The following ALG9 variants were observed in gnomAD, a reference collection of about 807,000 sequenced individuals.
The protein encoded by ALG9 is alpha-1,2-mannosyltransferase ALG9.
ALG9 carries 55 observed loss-of-function variants against 81.8 expected under a neutral mutation model. The ratio of observed to expected loss-of-function variants is 0.67; its 90% confidence interval spans 0.54 to 0.84. The LOEUF is 0.84. Ranked by LOEUF, ALG9 falls within the 40% of genes least tolerant of loss-of-function variation. The pLI, the probability that ALG9 is intolerant of heterozygous loss-of-function variation, is 0.00. For missense variants in ALG9, 629 were observed against 745.0 expected, an observed-to-expected ratio of 0.84 and a Z score of 1.81; for synonymous variants, 278 against 274.3, an observed-to-expected ratio of 1.01 and a Z score of -0.13.
At position 111,865,213 on chromosome 11, in the gene ALG9, A is replaced by G; in HGVS notation, c.444T>C (p.Phe148=). 1 of 1,551,082 alleles carries G rather than the reference A, an allele frequency of 6.4e-7. No homozygotes were observed. The highest frequency in any genetic ancestry group is 8.7e-7 in the Non-Finnish European group (1 of 1,147,440). ...VFYFLRCLLA[F]VSCICELYFY... is the part of the protein sequence containing the mutation. ...AGTAAAGTTCACAAATACAGCTCAC[A>G]AAAGCCAGAAGACATCGCAAAAAGT... The change falls in exon 4 of 15, where the codon TTT becomes TTC. Residue 148 remains phenylalanine, a synonymous_variant. Coordinates refer to ENST00000616540, the MANE Select transcript of ALG9 (RefSeq NM_024740.2).
At position 111,868,604 on chromosome 11, in the gene ALG9, T is replaced by C. The variant is rs782448344; in HGVS notation, c.403A>G (p.Lys135Glu). Residue 135 changes from lysine (K) to glutamate (E), a missense_variant and splice_region_variant, in exon 3 of 15, where the codon AAG (lysine) becomes GAG (glutamate). Physicochemically the swap from Lys to Glu is moderately conservative, Grantham distance 56 (BLOSUM62 1). Transcript: ENST00000616540. Reference sequence around the variant, plus strand: ...CTTCCAGGTTGGTCTGCCCTTACCTTATTAGTTTGTAGAATTCTTGCATGA... The same window carrying C: ...CTTCCAGGTTGGTCTGCCCTTACCTCATTAGTTTGTAGAATTCTTGCATGA... Reference protein sequence around the residue: ...AFHARILQTNKILVFYFLRCL... With the variant: ...AFHARILQTNEILVFYFLRCL... 6.2e-7 allele frequency: 1 copy of C among 1,613,896 alleles called. No homozygotes were observed. The highest frequency in any genetic ancestry group is 8.5e-7 in the Non-Finnish European group (1 of 1,179,814).
chr11:111,771,535 C>T, the ALG9 span: 86 of 152,242 alleles, frequency 5.6e-4, 4 homozygotes, highest in Non-Finnish European at 2.9e-5. Context: ...AAATGCTGAT[C>T]TGCTCCACAG....
chr11:111,839,756 AT>A (rs1555121818), intron 10 of ALG9, among the ~76,000 whole-genome samples: 1 of 152,188 alleles, frequency 6.6e-6, no homozygotes, highest in Non-Finnish European at 1.5e-5. Flanking sequence ...ATAAAGTTCA[AT>A]TACTTTTATA....
chr11:111,853,668 A>T lies in ALG9; in HGVS notation c.770T>A (p.Met257Lys). 1 of 1,614,180 alleles carries T rather than the reference A, an allele frequency of 6.2e-7. No homozygotes were observed. The highest frequency in any genetic ancestry group is 8.5e-7 in the Non-Finnish European group (1 of 1,180,002). ...ACTCACCAGAAATAGTATGAGGGCC[A>T]TCAGCGACCAATGAAAGAAACTCTT... ...RWKSFFHWSL[M>K]ALILFLVPVV... Residue 257 changes from methionine to lysine, a missense_variant, in exon 7 of 15, where the codon ATG becomes AAG. By Grantham distance (95) the Met-to-Lys change is moderately conservative. This residue lies in a region of ALG9 where 344 missense variants were observed against 390.5 expected (regional missense o/e 0.88). Coordinates refer to ENST00000616540, the MANE Select transcript of ALG9 (RefSeq NM_024740.2).
chr11:111,853,862 G>T, intron 6 of ALG9, 126 bp from the exon 7 acceptor site: 1 of 841,016 alleles, frequency 1.2e-6, no homozygotes, highest in African/African-American at 1.7e-5. Context: ...GAAGAAACCT[G>T]GTATGTGAGA....
chr11:111,827,627 G>A (rs1050937623), intron 13 of ALG9, among the ~76,000 whole-genome samples: 1 of 152,116 alleles, frequency 6.6e-6, no homozygotes, highest in South Asian at 2.1e-4. Flanking sequence ...AGCACTTTGG[G>A]AGGCCAAGGC....
intron 14 of ALG9, among the ~76,000 whole-genome samples, chr11:111,800,604 G>A (rs561379709): frequency 6.0e-5 from 9 of 150,974 alleles, no homozygotes; most frequent in African/African-American, 2.2e-4. Flanking sequence ...AACATACCAG[G>A]AAAACTCCAG....
intron 14 of ALG9, among the ~76,000 whole-genome samples, chr11:111,797,568 T>A (rs1227994697): frequency 6.6e-6 from 1 of 152,254 alleles, no homozygotes; most frequent in Non-Finnish European, 1.5e-5. Context: ...TAAGTATGGA[T>A]GACTGTTACA....
At chr11:111,830,673 A>C (rs1555112807) in intron 13 of ALG9, among the ~76,000 whole-genome samples, 1 of 152,210 alleles carries the variant, frequency 6.6e-6, no homozygotes, top group African/African-American at 2.4e-5. Flanking sequence ...GAGGAAACAA[A>C]TAGGGCAAGT....
chr11:111,844,117 G>A (rs540843575), intron 9 of ALG9, among the ~76,000 whole-genome samples: 4 of 152,110 alleles, frequency 2.6e-5, no homozygotes, highest in African/African-American at 4.8e-5. Context: ...CGATTCTCCT[G>A]CCTCAGCCTC....
chr11:111,782,902 T>C lies in ALG9; in HGVS notation c.*3495A>G, dbSNP rs1946067574. On this transcript the variant is annotated 3_prime_UTR_variant, in exon 15 of 15. Transcript: ENST00000616540. ...GGTCTATTTCCAAACTTGAATTCGG[T>C]AATAAAGAGTATGGGCTGCAATTTT... The C allele has an allele frequency of 6.6e-6, 1 of 152,228 alleles. No homozygotes were observed. Among genetic ancestry groups the C allele is most frequent in the Non-Finnish European group, 1.5e-5 (1 of 68,040 alleles). 9.4% of individuals were successfully genotyped at this position (152,228 alleles called of 1,614,324 possible).
At chr11:111,817,802 G>T (rs1446974140) in intron 13 of ALG9, among the ~76,000 whole-genome samples, 1 of 143,998 alleles carries the variant, frequency 6.9e-6, no homozygotes, top group Non-Finnish European at 1.5e-5. Flanking sequence ...TTTTGAGACA[G>T]ATTTTGCTCT....
At chr11:111,791,771 T>C (rs1440144127) in intron 14 of ALG9, among the ~76,000 whole-genome samples, 1 of 152,230 alleles carries the variant, frequency 6.6e-6, no homozygotes, top group Non-Finnish European at 1.5e-5. Context: ...ACTGAGTCCA[T>C]CTCATTTTTA....
At chr11:111,850,690 G>C (rs983835086) in intron 8 of ALG9, among the ~76,000 whole-genome samples, 1 of 65,510 alleles carries the variant, frequency 1.5e-5, no homozygotes, top group East Asian at 4.7e-4. Flanking sequence ...CCGGGTGACA[G>C]AGCGAGATAC....
chr11:111,775,939 T>C, the ALG9 span, among the ~76,000 whole-genome samples: 1 of 152,170 alleles, frequency 6.6e-6, no homozygotes, highest in African/African-American at 2.4e-5. Context: ...CTAGGTGATC[T>C]TGGGCAAGAC....
At chr11:111,825,137 G>A (rs1317806761) in intron 13 of ALG9, among the ~76,000 whole-genome samples, 1 of 152,188 alleles carries the variant, frequency 6.6e-6, no homozygotes, top group Non-Finnish European at 1.5e-5. Context: ...TTGAAAAATG[G>A]TAGTGCTTGA....
Position 111,871,438 on chromosome 11 carries a change from G to A in ALG9, c.45C>T (p.Ala15=), listed in dbSNP as rs1555159013. Residue 15 remains alanine (A), a synonymous_variant, in exon 1 of 15, where the codon GCC becomes GCT. Coordinates refer to ENST00000616540, the MANE Select transcript of ALG9 (RefSeq NM_024740.2). ...GARQRLKGSG[A]SSGDTAPAAD... The stretch of plus-strand genomic sequence containing the variant: ...CAGCCGGGGCCGTATCCCCACTGCT[G>A]GCCCCGCTGCCCTTCAGGCGCTGCC... The A allele has an allele frequency of 6.5e-7, 1 of 1,536,532 alleles. No individual in the cohort carries two copies. The highest frequency in any genetic ancestry group is 8.7e-7 in the Non-Finnish European group (1 of 1,146,686).
rs1421449942 is a variant in ALG9 at position 111,857,677 on chromosome 11, A to G, written c.626T>C (p.Met209Thr). ...TTLIAMTGWY[M>T]DKTSIAVLGV... is the part of the protein sequence containing the mutation. The stretch of plus-strand genomic sequence containing the variant: ...CAGCACAGCAATGGAAGTCTTGTCC[A>G]TATACCATCCAGTCATGGCTATCAA... The change falls in exon 6 of 15, where the codon ATG becomes ACG. Residue 209 changes from methionine (M) to threonine (T), a missense_variant. Met to Thr is a moderately conservative substitution (Grantham distance 81, BLOSUM62 -1). This residue lies in a region of ALG9 where 344 missense variants were observed against 390.5 expected (regional missense o/e 0.88). Transcript: ENST00000616540. 2.5e-6 allele frequency: 4 copies of G among 1,614,096 alleles called. No individual in the cohort carries two copies. In the African/African-American group the frequency reaches 5.3e-5, roughly 22 times the overall value.
chr11:111,768,842 C>CGTGTATGT, the ALG9 span: 4 of 143,096 alleles, frequency 2.8e-5, no homozygotes, highest in Non-Finnish European at 6.0e-5. Flanking sequence ...TGTGTGTGTG[C>CGTGTATGT]GTGTGTGTGT....
Sources: gnomAD v4.1 joint callset for allele counts (sites outside exome capture counted in the v4.1 genomes callset) on GRCh38, gnomAD v4.1.1 for gene constraint, gnomAD v4.1.1 regional missense constraint, MANE v1.5 for transcripts, NCBI Gene and HGNC (gene_info 2026-07-23, HGNC 2026-07-21) for gene names.